RALYL: variants seen among roughly 807,000 people sequenced by gnomAD.
RALYL encodes the protein RNA-binding Raly-like protein.
Under a neutral mutation model 35.1 loss-of-function variants are expected in RALYL, and 29 were observed. The observed-to-expected ratio is 0.83, with a 90% CI of 0.61 to 1.13. The LOEUF is 1.13. Ranked by LOEUF, RALYL falls within the 50% of genes most tolerant of loss-of-function variation. The pLI is 0.00. For missense variants in RALYL, 359 were observed against 360.4 expected (o/e 1.00, Z 0.03); for synonymous variants, 120 against 127.6 (o/e 0.94, Z 0.40).
At chr8:84,720,801 AAC>A (rs1237593951) in intron 2 of RALYL, among the ~76,000 whole-genome samples, 2 of 152,124 alleles carry the variant, frequency 1.3e-5, no homozygotes, top group Non-Finnish European at 2.9e-5. Flanking sequence ...AGCAAAAAAA[AAC>A]AATGTGATTA....
At chr8:84,700,767 C>A (rs188091418) in intron 2 of RALYL, among the ~76,000 whole-genome samples, 1 of 152,028 alleles carries the variant, frequency 6.6e-6, no homozygotes, top group African/African-American at 2.4e-5. Flanking sequence ...TGACTTGGGG[C>A]GAATGGATGT....
Position 84,534,541 on chromosome 8 carries a change from A to G in RALYL, c.256+4964A>G, listed in dbSNP as rs533205027. Among the ~76,000 whole-genome samples, 4 of 152,348 alleles carry G rather than the reference A, an allele frequency of 2.6e-5. No individual in the cohort carries two copies. In the East Asian group the frequency reaches 7.7e-4, roughly 29 times the overall value. On this transcript the variant is annotated intron_variant, in intron 2 of 8. Transcript: ENST00000521268. ...TTTACTCATCTTCTTAGCACCTAACAAAATGCTAACACTTCCATGGCAAAT... is the reference window on the plus strand; with the variant it reads ...TTTACTCATCTTCTTAGCACCTAACGAAATGCTAACACTTCCATGGCAAAT...
chr8:84,779,536 C>T (rs1306689237), intron 3 of RALYL, among the ~76,000 whole-genome samples: 1 of 152,140 alleles, frequency 6.6e-6, no homozygotes, highest in African/African-American at 2.4e-5. Context: ...GGCTATCATA[C>T]AAATGCCTCT....
intron 2 of RALYL, among the ~76,000 whole-genome samples, chr8:84,772,142 T>A (rs1563568312): frequency 6.6e-6 from 1 of 152,126 alleles, no homozygotes; most frequent in Admixed American, 6.6e-5. Flanking sequence ...CGGCTCCATG[T>A]GTTTATATAT....
At chr8:84,461,656 C>G (rs1199650035) in intron 1 of RALYL, among the ~76,000 whole-genome samples, 1 of 151,334 alleles carries the variant, frequency 6.6e-6, no homozygotes, top group African/African-American at 2.4e-5. Context: ...TGAGAGAGGT[C>G]AAAAAAGAAT....
intron 4 of RALYL, among the ~76,000 whole-genome samples, chr8:84,840,383 A>G (rs955487458): frequency 2.9e-4 from 44 of 152,348 alleles, no homozygotes; most frequent in African/African-American, 1.0e-3. Flanking sequence ...TGGAAGATCA[A>G]ATGAATGAAA....
At chr8:84,373,457 A>G (rs1856316891) in intron 1 of RALYL, among the ~76,000 whole-genome samples, 1 of 152,036 alleles carries the variant, frequency 6.6e-6, no homozygotes, top group Non-Finnish European at 1.5e-5. Flanking sequence ...TTATCTCAGC[A>G]TCATTTAGTG....
At chr8:84,323,556 T>A (rs1162732542) in intron 1 of RALYL, among the ~76,000 whole-genome samples, 1 of 152,110 alleles carries the variant, frequency 6.6e-6, no homozygotes, top group Non-Finnish European at 1.5e-5. Flanking sequence ...GGTCTAGAGC[T>A]GAGCTCTTCA....
intron 1 of RALYL, among the ~76,000 whole-genome samples, chr8:84,224,197 T>A (rs1823255154): frequency 6.6e-6 from 1 of 152,140 alleles, no homozygotes; most frequent in South Asian, 2.1e-4. Flanking sequence ...AAGGCAATAT[T>A]TTCGTCCACA....
intron 2 of RALYL, among the ~76,000 whole-genome samples, chr8:84,597,110 A>G (rs1588420425): frequency 6.6e-6 from 1 of 152,200 alleles, no homozygotes; most frequent in East Asian, 1.9e-4. Context: ...TCTGACTAAG[A>G]CAGTGAAGTT....
chr8:84,664,263 A>ATTTTTTTTTTTTTT (rs60423756), intron 2 of RALYL, among the ~76,000 whole-genome samples: 3 of 58,032 alleles, frequency 5.2e-5, no homozygotes, highest in African/African-American at 7.4e-5. Flanking sequence ...ATGCCTCTAG[A>ATTTTTTTTTTTTTT]TTTTTTTTTT....
Position 84,666,626 on chromosome 8 carries a change from T to C in RALYL, c.257-107953T>C, listed in dbSNP as rs75478721. 4.5e-4 allele frequency among the ~76,000 whole-genome samples: 68 copies of C among 152,230 alleles called. 4 individuals are homozygous for C. In the East Asian group the frequency reaches 0.013, roughly 29 times the overall value. Reference sequence around the variant, plus strand: ...ATGTCTGGTTATGGGACCAACCGTATGTATTTTAAAAATTTTCCCAGGAGG... The same window carrying C: ...ATGTCTGGTTATGGGACCAACCGTACGTATTTTAAAAATTTTCCCAGGAGG... On this transcript the variant is annotated intron_variant, in intron 2 of 8. Coordinates refer to ENST00000521268, the MANE Select transcript of RALYL (RefSeq NM_173848.7).
chr8:84,425,426 C>G (rs1025585102), intron 1 of RALYL, among the ~76,000 whole-genome samples: 3 of 152,058 alleles, frequency 2.0e-5, no homozygotes, highest in Non-Finnish European at 4.4e-5. Context: ...GGTGCGCTCA[C>G]CCACTGGCCT....
chr8:84,223,516 T>C (rs1330338578), intron 1 of RALYL, among the ~76,000 whole-genome samples: 2 of 152,140 alleles, frequency 1.3e-5, no homozygotes, highest in African/African-American at 4.8e-5. Flanking sequence ...TGAGCAATGA[T>C]ATGCAGAAAG....
chr8:84,511,391 T>C (rs568330428), intron 1 of RALYL, among the ~76,000 whole-genome samples: 1 of 152,308 alleles, frequency 6.6e-6, no homozygotes, highest in East Asian at 1.9e-4. Context: ...ATAGTACATT[T>C]TCAATAAGTG....
intron 2 of RALYL, among the ~76,000 whole-genome samples, chr8:84,718,570 A>G (rs756829850): frequency 7.9e-5 from 12 of 151,864 alleles, no homozygotes; most frequent in Non-Finnish European, 1.3e-4. Context: ...CCAAAACCAG[A>G]CTGGCCAACA....
At chr8:84,770,135 T>G (rs1815071137) in intron 2 of RALYL, among the ~76,000 whole-genome samples, 1 of 152,158 alleles carries the variant, frequency 6.6e-6, no homozygotes, top group African/African-American at 2.4e-5. Context: ...GAGAATCTGA[T>G]GCACCCACCA....
chr8:84,471,364 CT>C (rs1425286805), intron 1 of RALYL, among the ~76,000 whole-genome samples: 2 of 151,502 alleles, frequency 1.3e-5, no homozygotes, highest in Non-Finnish European at 2.9e-5. Flanking sequence ...GGGAGGATCG[CT>C]TGAGGCCAGG....
At chr8:84,600,180 CT>C (rs1428140637) in intron 2 of RALYL, among the ~76,000 whole-genome samples, 2 of 152,010 alleles carry the variant, frequency 1.3e-5, no homozygotes, top group Non-Finnish European at 2.9e-5. Flanking sequence ...TACTATTTTG[CT>C]TTTTCCCTTC....
Sources: gnomAD v4.1 joint callset for allele counts (sites outside exome capture counted in the v4.1 genomes callset) on GRCh38, gnomAD v4.1.1 for gene constraint, MANE v1.5 for transcripts, NCBI Gene and HGNC (gene_info 2026-07-23, HGNC 2026-07-21) for gene names.